DCAF15: variants seen among roughly 807,000 people sequenced by gnomAD.
DCAF15 encodes DDB1 and CUL4 associated factor 15, also known as DDB1- and CUL4-associated factor 15.
In DCAF15, 24 loss-of-function variants were observed where a neutral mutation model predicts 68.0. That is an observed-to-expected ratio of 0.35 (90% CI 0.26 to 0.50). The LOEUF (loss-of-function observed/expected upper bound fraction) is 0.50. Ranked by LOEUF, DCAF15 falls within the 20% of genes least tolerant of loss-of-function variation. The pLI, the probability that DCAF15 is intolerant of heterozygous loss-of-function variation, is 0.98. For synonymous variants in DCAF15, 376 were observed against 341.6 expected, an observed-to-expected ratio of 1.10 and a Z score of -1.11; for missense variants, 627 against 830.6, an observed-to-expected ratio of 0.75 and a Z score of 3.01.
At position 13,952,538 on chromosome 19, in the gene DCAF15, G is replaced by T; in HGVS notation, c.26G>T (p.Arg9Leu). 1 of 1,252,166 alleles carries T rather than the reference G, an allele frequency of 8.0e-7. No individual in the cohort carries two copies. The highest frequency in any genetic ancestry group is 1.0e-6 in the Non-Finnish European group (1 of 991,706). The allele number at this position is 1,252,166 out of a possible 1,614,324, so 77.6% of individuals were successfully genotyped here. A position where few individuals can be genotyped will look rare whatever the true frequency, so the allele number is the denominator to read the frequency against. ...ATGGCGCCCAGCTCGAAATCGGAGCGGAACAGCGGGGCTGGGAGCGGCGGC... is the reference window on the plus strand; with the variant it reads ...ATGGCGCCCAGCTCGAAATCGGAGCTGAACAGCGGGGCTGGGAGCGGCGGC... MAPSSKSE[R>L]NSGAGSGGGG... Residue 9 changes from arginine (R) to leucine (L), a missense_variant, in exon 1 of 13, where the codon CGG becomes CTG. Physicochemically the swap from Arg to Leu is moderately radical, Grantham distance 102 (BLOSUM62 -2). Coordinates refer to ENST00000254337, the MANE Select transcript of DCAF15 (RefSeq NM_138353.4).
At chr19:13,955,357 G>T (rs1006110124) in intron 3 of DCAF15, among the ~76,000 whole-genome samples, 3 of 152,210 alleles carry the variant, frequency 2.0e-5, no homozygotes, top group African/African-American at 7.2e-5. Flanking sequence ...CGAGGTGGAG[G>T]TTGCAGTGAG....
intron 1 of DCAF15, 78 bp from the exon 2 acceptor site, chr19:13,954,262 G>T: frequency 1.6e-6 from 2 of 1,284,816 alleles, no homozygotes; most frequent in South Asian, 1.2e-5. Flanking sequence ...GGTGAGAGCC[G>T]CTCTGCCTCT....
At chr19:13,958,934 C>T in intron 6 of DCAF15, 111 bp from the exon 7 acceptor site, 4 of 1,345,182 alleles carry the variant, frequency 3.0e-6, no homozygotes, top group Non-Finnish European at 4.1e-6. Context: ...TCAGCATAGC[C>T]AAGTCTCCTA....
intron 10 of DCAF15, 48 bp from the exon 11 acceptor site, chr19:13,960,239 A>C: frequency 1.3e-6 from 2 of 1,596,594 alleles, no homozygotes; most frequent in Non-Finnish European, 1.7e-6. Flanking sequence ...GGCCTGGTTC[A>C]GGAGCCCGGC....
Position 13,959,282 on chromosome 19 carries a change from A to G in DCAF15, c.1022A>G (p.Glu341Gly). The G allele has an allele frequency of 6.2e-7, 1 of 1,610,684 alleles. No homozygotes were observed. The highest frequency in any genetic ancestry group is 1.1e-5 in the South Asian group (1 of 91,078). ...AKEAKGGVPE[E>G]ARPALCPGPS... The stretch of plus-strand genomic sequence containing the variant: ...GAGGCCAAGGGCGGGGTCCCTGAGG[A>G]AGCCCGGCCTGCCCTGTGCCCAGGA... The change falls in exon 7 of 13, where the codon GAA (glutamate) becomes GGA (glycine). Residue 341 changes from glutamate to glycine, a missense_variant. Glu to Gly is a moderately conservative substitution (Grantham distance 98). This residue lies in a region of DCAF15 where 236 missense variants were observed against 225.1 expected (regional missense o/e 1.05). Coordinates refer to ENST00000254337, the MANE Select transcript of DCAF15 (RefSeq NM_138353.4).
At chr19:13,954,716 A>C (rs570611221) in intron 3 of DCAF15, 55 bp downstream of exon 3, 1 of 1,599,008 alleles carries the variant, frequency 6.3e-7, no homozygotes, top group East Asian at 2.2e-5. Context: ...TCAGCAGGTC[A>C]CAGCAACCTC....
At chr19:13,953,229 AC>A (rs1973168794) in intron 1 of DCAF15, 1 of 1,251,310 alleles carries the variant, frequency 8.0e-7, no homozygotes, top group Admixed American at 2.8e-5. Flanking sequence ...CAGACTGGAA[AC>A]TCCCAGAGCT....
At chr19:13,959,019 A>C in intron 6 of DCAF15, 26 bp from the exon 7 acceptor site, 1 of 1,553,292 alleles carries the variant, frequency 6.4e-7, no homozygotes, top group Non-Finnish European at 8.7e-7. Flanking sequence ...CCAGACTGAC[A>C]CTTCTCCACC....
In DCAF15 at chr19:13,957,126, CCT is replaced by C. The variant is rs374634247; in HGVS notation, c.784+605_784+606del. 4.4e-3 allele frequency among the ~76,000 whole-genome samples: 663 copies of C among 152,316 alleles called. 2 individuals are homozygous for C. Among genetic ancestry groups the C allele is most frequent in the Middle Eastern group, 0.017 (5 of 294 alleles). On this transcript the variant is annotated intron_variant, in intron 6 of 12. Transcript: ENST00000254337. The stretch of plus-strand genomic sequence containing the variant: ...TTGGCTAGCTGGACGGGGTAGCGCC[CCT>C]TTCTCTTAAGAAGAGAAACGCTAAT...
In DCAF15 at chr19:13,961,310, T is replaced by G; in HGVS notation, c.*315T>G. On this transcript the variant is annotated 3_prime_UTR_variant, in exon 13 of 13. Transcript: ENST00000254337. ...TTTGCCCTTTTCTCGGCTACAGCTG[T>G]GGACGTTGCCCTCGGGGAGGTCGAA... 1 of 460,628 alleles carries G rather than the reference T, an allele frequency of 2.2e-6. No individual in the cohort carries two copies. Among genetic ancestry groups the G allele is most frequent in the Non-Finnish European group, 4.0e-6 (1 of 249,606 alleles). 28.5% of individuals were successfully genotyped at this position (460,628 alleles called of 1,614,324 possible). A position where few individuals can be genotyped will look rare whatever the true frequency, so the allele number is the denominator to read the frequency against.
Position 13,956,245 on chromosome 19 carries a change from C to G in DCAF15, c.596C>G (p.Ala199Gly), listed in dbSNP as rs1242239739. ...PPGRCAACQD[A>G]SRAHPGDPNA... ...GGCCGCTGTGCTGCTTGCCAGGATG[C>G]CAGCCGAGCCCACCCAGGTGAGGGG... Residue 199 changes from alanine (A) to glycine (G), a missense_variant, in exon 5 of 13, where the codon GCC becomes GGC. Physicochemically the swap from Ala to Gly is moderately conservative, Grantham distance 60 (BLOSUM62 0). Around this residue, in one of 3 missense-constraint regions of DCAF15, gnomAD observed 273 missense variants for 393.7 expected, o/e 0.69. Transcript: ENST00000254337. 1 of 1,612,272 alleles carries G rather than the reference C, an allele frequency of 6.2e-7. No individual in the cohort carries two copies. The highest frequency in any genetic ancestry group is 2.2e-5 in the East Asian group (1 of 44,858).
At chr19:13,958,314 G>A (rs1348897785) in intron 6 of DCAF15, among the ~76,000 whole-genome samples, 2 of 152,152 alleles carry the variant, frequency 1.3e-5, no homozygotes, top group African/African-American at 2.4e-5. Context: ...GTCACCTTCT[G>A]TTCCCCGCCC....
At chr19:13,954,992 G>A (rs929266358) in intron 3 of DCAF15, among the ~76,000 whole-genome samples, 23 of 152,162 alleles carry the variant, frequency 1.5e-4, no homozygotes, top group African/African-American at 5.6e-4. Context: ...CCTGTAGTCA[G>A]CTCCTCTGGA....
chr19:13,959,898 GGGCCCA>G lies in DCAF15; in HGVS notation c.1440+6_1440+11del. 1 of 1,612,020 alleles carries G rather than the reference GGGCCCA, an allele frequency of 6.2e-7. No homozygotes were observed. Among genetic ancestry groups the G allele is most frequent in the Non-Finnish European group, 8.5e-7 (1 of 1,178,476 alleles). On this transcript the variant is annotated splice_donor_5th_base_variant and intron_variant, in intron 9 of 12. Coordinates refer to ENST00000254337, the MANE Select transcript of DCAF15 (RefSeq NM_138353.4). ...ACTATGACATCGTCATTCTGGAGGT[GGGCCCA>G]GGGCGGGCAGGGTGGGCCCAGGGCC...
chr19:13,959,555 C>T (rs1010120894), intron 7 of DCAF15, 27 bp from the exon 8 acceptor site: 2 of 1,611,746 alleles, frequency 1.2e-6, no homozygotes. Context: ...CCTCCCTCCA[C>T]CCCACCCCCA....
Position 13,958,210 on chromosome 19 carries a change from A to G in DCAF15, c.785-835A>G, listed in dbSNP as rs183581372. On this transcript the variant is annotated intron_variant, in intron 6 of 12. Coordinates refer to ENST00000254337, the MANE Select transcript of DCAF15 (RefSeq NM_138353.4). ...GCTGTGGGTCCTGTTAGGAACGACCACAGCGGACTATCAGCTCTGTACCAG... is the reference window on the plus strand; with the variant it reads ...GCTGTGGGTCCTGTTAGGAACGACCGCAGCGGACTATCAGCTCTGTACCAG... Among the ~76,000 whole-genome samples, 968 of 152,290 alleles carry G rather than the reference A, an allele frequency of 6.4e-3. 4 individuals are homozygous for G. Among genetic ancestry groups the G allele is most frequent in the Non-Finnish European group, 0.01 (688 of 68,022 alleles).
chr19:13,954,604 C>T lies in DCAF15; in HGVS notation c.309C>T (p.Ser103=). ...GCAGCAGTGGGGATGACGACTTCTC[C>T]TTCTACATCTACCATCTGTACTGGT... ...YTSSSGDDDF[S]FYIYHLYWWE... is the part of the protein sequence containing the mutation. Residue 103 remains serine, a synonymous_variant, in exon 3 of 13, where the codon TCC becomes TCT. Transcript: ENST00000254337. The T allele has an allele frequency of 6.2e-7, 1 of 1,614,190 alleles. No homozygotes were observed.
At position 13,954,389 on chromosome 19, in the gene DCAF15, T is replaced by C; in HGVS notation, c.182T>C (p.Val61Ala). Residue 61 changes from valine to alanine, a missense_variant, in exon 2 of 13, where the codon GTG becomes GCG. Coordinates refer to ENST00000254337, the MANE Select transcript of DCAF15 (RefSeq NM_138353.4). ...CTCTTCCGGAAGCTGCCTCCCCGGG[T>C]GTGCGTGTCCCTCAAGAACATTGTG... ...PRLFRKLPPR[V>A]CVSLKNIVDE... is the part of the protein sequence containing the mutation. The C allele has an allele frequency of 6.2e-7, 1 of 1,612,390 alleles. No individual in the cohort carries two copies. The highest frequency in any genetic ancestry group is 1.1e-5 in the South Asian group (1 of 91,002).
In DCAF15 at chr19:13,956,052, T is replaced by C. The variant is rs747018489; in HGVS notation, c.473+34T>C. 2.5e-6 allele frequency: 4 copies of C among 1,612,484 alleles called. No individual in the cohort carries two copies. The Admixed American group carries it at 5.0e-5, about 20-fold the overall frequency. On this transcript the variant is annotated intron_variant, in intron 4 of 12. Coordinates refer to ENST00000254337, the MANE Select transcript of DCAF15 (RefSeq NM_138353.4). ...AGGCGCCTGGGGGAGCCTTGGCTGG[T>C]TGGGGCAGGGGGTGTGCAGTGGGGG...
Sources: allele counts gnomAD v4.1 joint callset (sites outside exome capture counted in the v4.1 genomes callset), GRCh38; gene constraint gnomAD v4.1.1; regional missense constraint gnomAD v4.1.1; transcripts MANE v1.5; gene names NCBI Gene and HGNC (gene_info 2026-07-23, HGNC 2026-07-21).